Variants in GRSF1 observed in about 807,000 individuals in gnomAD.
The protein encoded by GRSF1 is G-rich RNA sequence binding factor 1.
A neutral mutation model predicts 51.1 loss-of-function variants in GRSF1; 50 were observed. The observed-to-expected ratio is 0.98, with a 90% CI of 0.78 to 1.24. The LOEUF (loss-of-function observed/expected upper bound fraction) is 1.24, where lower values mean the gene tolerates loss of function less well. Among genes scored for constraint, GRSF1 ranks in the 50% most tolerant of loss-of-function variants. GRSF1 has a pLI of 0.00. For missense variants in GRSF1, 700 were observed against 639.7 expected (o/e 1.09, Z -1.02); for synonymous variants, 293 against 253.3 (o/e 1.16, Z -1.49).
chr4:70,838,047 G>A (rs908175063), intron 1 of GRSF1, among the ~76,000 whole-genome samples: 16 of 151,452 alleles, frequency 1.1e-4, no homozygotes, highest in South Asian at 1.0e-3. Context: ...GTGAAACCCC[G>A]TCTCTACTAA....
rs1733402548 is a variant in GRSF1 at position 70,818,755 on chromosome 4, A to C, written c.*2132T>G. ...CCTGACCATATGCCCCACTCCCACT[A>C]TTCTTCCTGATGGCTTTACCACAAA... On this transcript the variant is annotated 3_prime_UTR_variant, in exon 10 of 10. Transcript: ENST00000254799. 1.3e-5 allele frequency: 2 copies of C among 152,122 alleles called. No homozygotes were observed. The highest frequency in any genetic ancestry group is 1.3e-4 in the Admixed American group (2 of 15,256). 9.4% of individuals were successfully genotyped at this position (152,122 alleles called of 1,614,324 possible).
At chr4:70,834,874 C>A (rs796404928) in intron 2 of GRSF1, among the ~76,000 whole-genome samples, 1 of 152,002 alleles carries the variant, frequency 6.6e-6, no homozygotes, top group East Asian at 1.9e-4. Context: ...CCGCCCGCCT[C>A]GGCCTCCCAA....
upstream of GRSF1, chr4:70,839,930 A>G: frequency 1.0e-6 from 1 of 989,718 alleles, no homozygotes; most frequent in Non-Finnish European, 1.4e-6. Flanking sequence ...TGCCTGGCAC[A>G]TGCGCCGCGG....
chr4:70,818,091 T>C lies in GRSF1; in HGVS notation c.*2796A>G, dbSNP rs1037974391. 2 of 152,208 alleles carry C rather than the reference T, an allele frequency of 1.3e-5. No homozygotes were observed. Among genetic ancestry groups the C allele is most frequent in the African/African-American group, 4.8e-5 (2 of 41,406 alleles). The allele number at this position is 152,208 out of a possible 1,614,324, so 9.4% of individuals were successfully genotyped here. A position where few individuals can be genotyped will look rare whatever the true frequency, so the allele number is the denominator to read the frequency against. ...TCTCACTCTGTTGCCCAGGCTGGAG[T>C]GCAATGGTGTGATCTTGGCTCGCTA... On this transcript the variant is annotated 3_prime_UTR_variant, in exon 10 of 10. Transcript: ENST00000254799.
intron 5 of GRSF1, among the ~76,000 whole-genome samples, chr4:70,830,006 TATC>T (rs1251025207): frequency 6.6e-6 from 1 of 152,242 alleles, no homozygotes; most frequent in Non-Finnish European, 1.5e-5. Context: ...TGAACCCACT[TATC>T]ATCATGTGCA....
intron 2 of GRSF1, among the ~76,000 whole-genome samples, chr4:70,834,637 T>C (rs114039996): frequency 0.017 from 2,513 of 152,302 alleles, 88 homozygotes; most frequent in African/African-American, 0.057. Context: ...TATTTTTCTT[T>C]TTGAGACAGA....
chr4:70,838,200 C>A, intron 1 of GRSF1, among the ~76,000 whole-genome samples: 1 of 111,204 alleles, frequency 9.0e-6, no homozygotes, highest in African/African-American at 3.6e-5. Flanking sequence ...GCCTGGGCGA[C>A]AGAGCGAGAC....
chr4:70,839,484 C>A lies in GRSF1; in HGVS notation c.344G>T (p.Arg115Leu). The change falls in exon 1 of 10, where the codon CGC becomes CTC. Residue 115 changes from arginine to leucine, a missense_variant. Physicochemically the swap from Arg to Leu is moderately radical, Grantham distance 102 (BLOSUM62 -2). Transcript: ENST00000254799. The stretch of plus-strand genomic sequence containing the variant: ...GCGCCCACGTACCTGGCTGTAGCTG[C>A]GCGTCGGGACGGCGGCCGCCGCCGC... ...SLAAAAAVPT[R>L]SYSQESKTTY... 5 of 1,428,414 alleles carry A rather than the reference C, an allele frequency of 3.5e-6. No homozygotes were observed. The highest frequency in any genetic ancestry group is 1.4e-5 in the South Asian group (1 of 71,620). The allele number at this position is 1,428,414 out of a possible 1,614,324, so 88.5% of individuals were successfully genotyped here.
chr4:70,839,374 G>T, intron 1 of GRSF1, 97 bp downstream of exon 1: 1 of 1,506,820 alleles, frequency 6.6e-7, no homozygotes, highest in Non-Finnish European at 8.9e-7. Context: ...CCCCGGGCGT[G>T]CCCGCGAGGC....
rs1448916088 is a variant in GRSF1, at chr4:70,820,274, T to C, written c.*613A>G. On this transcript the variant is annotated 3_prime_UTR_variant, in exon 10 of 10. Transcript: ENST00000254799. ...GAAAGGCAAAACATTTCTAAAGACA[T>C]AAAACCGCCAAATTGTCATTTACAC... The C allele has an allele frequency of 3.9e-5, 6 of 152,650 alleles. No individual in the cohort carries two copies. Among genetic ancestry groups the C allele is most frequent in the African/African-American group, 1.4e-4 (6 of 41,464 alleles). The allele number at this position is 152,650 out of a possible 1,614,324, so 9.5% of individuals were successfully genotyped here.
intron 7 of GRSF1, 35 bp from the exon 8 acceptor site, chr4:70,825,466 G>C: frequency 6.3e-7 from 1 of 1,583,172 alleles, no homozygotes; most frequent in Non-Finnish European, 8.6e-7. Flanking sequence ...AGAGGAACAT[G>C]ATGGATGTAA....
chr4:70,836,107 GAA>G (rs1734195274), intron 2 of GRSF1, 49 bp downstream of exon 2: 2 of 1,107,376 alleles, frequency 1.8e-6, no homozygotes, highest in Admixed American at 3.6e-5. Flanking sequence ...CTGCTTGTGA[GAA>G]ACAATATAAG....
At chr4:70,837,962 T>G (rs1734284466) in intron 1 of GRSF1, among the ~76,000 whole-genome samples, 1 of 151,612 alleles carries the variant, frequency 6.6e-6, no homozygotes, top group Non-Finnish European at 1.5e-5. Flanking sequence ...CCGGGCGCGG[T>G]GGCTCACGCC....
chr4:70,839,507 CGCCAGCGACTGCGGCA>C lies in GRSF1; in HGVS notation c.305_320del (p.Leu102ArgfsTer36), dbSNP rs1216128272. The C allele has an allele frequency of 2.8e-6, 4 of 1,427,352 alleles. No individual in the cohort carries two copies. Among genetic ancestry groups the C allele is most frequent in the Non-Finnish European group, 3.6e-6 (4 of 1,098,942 alleles). The allele number at this position is 1,427,352 out of a possible 1,614,324, so 88.4% of individuals were successfully genotyped here. ...TGCGCGTCGGGACGGCGGCCGCCGC[CGCCAGCGACTGCGGCA>C]GCAGAGAGGCACGGAGGGCAGAGTA... On this transcript the variant is annotated frameshift_variant, in exon 1 of 10. Transcript: ENST00000254799. LOFTEE classifies it high-confidence loss of function.
At chr4:70,827,714 G>A in intron 6 of GRSF1, 138 bp downstream of exon 6, 1 of 637,750 alleles carries the variant, frequency 1.6e-6, no homozygotes, top group East Asian at 2.7e-5. Flanking sequence ...AGGAGGTAGA[G>A]GCTGCAGTCA....
chr4:70,831,068 A>T (rs1303892750), intron 5 of GRSF1, among the ~76,000 whole-genome samples: 3 of 152,142 alleles, frequency 2.0e-5, no homozygotes, highest in Non-Finnish European at 4.4e-5. Context: ...CCCCACAAGG[A>T]GCAGTCAAGC....
In GRSF1 at chr4:70,816,632, G is replaced by C. The variant is rs1733319784; in HGVS notation, c.*4255C>G. On this transcript the variant is annotated 3_prime_UTR_variant, in exon 10 of 10. Transcript: ENST00000254799. Reference sequence around the variant, plus strand: ...CCAGCTACTCGGGAATCTGAGGCATGAGAATTGCTTGAAACTGGGAGGTGG... The same window carrying C: ...CCAGCTACTCGGGAATCTGAGGCATCAGAATTGCTTGAAACTGGGAGGTGG... The C allele has an allele frequency of 6.6e-6, 1 of 152,252 alleles. No homozygotes were observed. The highest frequency in any genetic ancestry group is 2.4e-5 in the African/African-American group (1 of 41,454). The allele number at this position is 152,252 out of a possible 1,614,324, so 9.4% of individuals were successfully genotyped here.
At position 70,824,366 on chromosome 4, in the gene GRSF1, G is replaced by C. The variant is rs935366250; in HGVS notation, c.1396C>G (p.His466Asp). The C allele has an allele frequency of 8.4e-6, 12 of 1,429,564 alleles. No homozygotes were observed. Among genetic ancestry groups the C allele is most frequent in the Non-Finnish European group, 1.1e-5 (11 of 1,025,076 alleles). 88.6% of individuals were successfully genotyped at this position (1,429,564 alleles called of 1,614,324 possible). A position where few individuals can be genotyped will look rare whatever the true frequency, so the allele number is the denominator to read the frequency against. The change falls in exon 9 of 10, where the codon CAT (histidine) becomes GAT (aspartate). Residue 466 changes from histidine (H) to aspartate (D), a missense_variant and splice_region_variant. Physicochemically the swap from His to Asp is moderately conservative, Grantham distance 81. Transcript: ENST00000254799. ...AMLKDRSHVH[H>D]RYIELFLNSC... ...TTCAGGAACAGTTCAATATACCTAT[G>C]ATCTGAGGATAATGAGAAAGATTAG...
Position 70,827,992 on chromosome 4 carries a change from T to G in GRSF1, c.995A>C (p.His332Pro). The G allele has an allele frequency of 6.2e-7, 1 of 1,613,626 alleles. No homozygotes were observed. The highest frequency in any genetic ancestry group is 8.5e-7 in the Non-Finnish European group (1 of 1,179,632). The part of the protein sequence containing the change: ...FPSRRNEVRT[H>P]VGSYKGKKIA... ...TTTCTTTCCCTTATAAGAACCGACATGTGTTCGAACTTCATTCCTTCTGCT... is the reference window on the plus strand; with the variant it reads ...TTTCTTTCCCTTATAAGAACCGACAGGTGTTCGAACTTCATTCCTTCTGCT... The change falls in exon 6 of 10, where the codon CAT (histidine) becomes CCT (proline). Residue 332 changes from histidine to proline, a missense_variant. Transcript: ENST00000254799.
Sources: allele counts gnomAD v4.1 joint callset (sites outside exome capture counted in the v4.1 genomes callset), GRCh38; gene constraint gnomAD v4.1.1; transcripts MANE v1.5; gene names NCBI Gene and HGNC (gene_info 2026-07-23, HGNC 2026-07-21).